The following QRFPR variants were observed in gnomAD, a reference collection of about 807,000 sequenced individuals.
QRFPR encodes the protein pyroglutamylated RF-amide peptide receptor.
QRFPR carries 37 observed loss-of-function variants against 31.3 expected under a neutral mutation model. The ratio of observed to expected loss-of-function variants is 1.18; its 90% CI spans 0.91 to 1.56. The LOEUF (loss-of-function observed/expected upper bound fraction) is 1.56. Ranked by LOEUF, QRFPR falls within the 40% of genes most tolerant of loss-of-function variation. QRFPR has a pLI of 0.00. For synonymous variants in QRFPR, 197 were observed against 192.0 expected (o/e 1.03, Z -0.22); for missense variants, 542 against 532.5 (o/e 1.02, Z -0.18).
chr4:121,380,201 GA>G (rs1726453323), intron 1 of QRFPR, 106 bp downstream of exon 1: 1 of 211,174 alleles, frequency 4.7e-6, no homozygotes, highest in Non-Finnish European at 9.0e-6. Flanking sequence ...GAGAGAGAGA[GA>G]GAGAGAGAGA....
At chr4:121,354,864 C>T (rs1253902202) in intron 1 of QRFPR, among the ~76,000 whole-genome samples, 5 of 151,850 alleles carry the variant, frequency 3.3e-5, no homozygotes, top group African/African-American at 1.2e-4. Flanking sequence ...ATATGATGTA[C>T]CACACTGATT....
intron 1 of QRFPR, among the ~76,000 whole-genome samples, chr4:121,347,435 A>C (rs933972129): frequency 6.6e-6 from 1 of 152,006 alleles, no homozygotes; most frequent in African/African-American, 2.4e-5. Flanking sequence ...CTATTGGTTC[A>C]CTTTTGTCAT....
In QRFPR at chr4:121,379,160, G is replaced by A. The variant is rs531881696; in HGVS notation, c.340+1148C>T. The stretch of plus-strand genomic sequence containing the variant: ...TTCAAGTCAATGCTCTGTACTCAAT[G>A]TTTAATGCTTTTTTGAAAATATTTA... On this transcript the variant is annotated intron_variant, in intron 1 of 5. Transcript: ENST00000394427. 9.8e-5 allele frequency among the ~76,000 whole-genome samples: 15 copies of A among 152,296 alleles called. No individual in the cohort carries two copies. In the South Asian group the frequency reaches 3.1e-3, roughly 32 times the overall value.
In QRFPR at chr4:121,328,913, G is replaced by A. The variant is rs1243691671; in HGVS notation, c.*401C>T. On this transcript the variant is annotated 3_prime_UTR_variant, in exon 6 of 6. Transcript: ENST00000394427. ...TGGGACTACAGGTGCCCGCCACCAC[G>A]CCCGGCTAATTTTTGTATTTTTAGC... Among the ~76,000 whole-genome samples the A allele has an allele frequency of 1.3e-5, 2 of 152,058 alleles. No homozygotes were observed. Among genetic ancestry groups the A allele is most frequent in the Non-Finnish European group, 2.9e-5 (2 of 68,022 alleles).
In QRFPR at chr4:121,332,874, C is replaced by T. The variant is rs1251671039; in HGVS notation, c.744G>A (p.Gly248=). 4.3e-6 allele frequency: 7 copies of T among 1,614,068 alleles called. No homozygotes were observed. In the East Asian group the frequency reaches 1.3e-4, roughly 31 times the overall value. Residue 248 remains glycine (G), a synonymous_variant, in exon 4 of 6, where the codon GGG becomes GGA. Transcript: ENST00000394427. ...GYELWIKKRV[G]DGSVLRTIHG... ...GAATAGTTCGAAGCACTGAACCATC[C>T]CCAACTCTTTTCTTTATCCAAAGTT...
At chr4:121,361,459 G>T (rs1047794832) in intron 1 of QRFPR, among the ~76,000 whole-genome samples, 4 of 150,056 alleles carry the variant, frequency 2.7e-5, no homozygotes, top group Non-Finnish European at 4.4e-5. Context: ...AGTGCTCAGT[G>T]GTGGCCTACC....
intron 1 of QRFPR, among the ~76,000 whole-genome samples, chr4:121,376,163 A>G (rs992738103): frequency 6.6e-6 from 1 of 152,200 alleles, no homozygotes; most frequent in Non-Finnish European, 1.5e-5. Context: ...CTCCACCCTC[A>G]TATGAGTAAC....
At chr4:121,357,230 G>A (rs1421588255) in intron 1 of QRFPR, among the ~76,000 whole-genome samples, 1 of 152,038 alleles carries the variant, frequency 6.6e-6, no homozygotes. Context: ...TCTAGAGGTT[G>A]TCTGCATTCC....
chr4:121,340,487 C>A lies in QRFPR; in HGVS notation c.464G>T (p.Trp155Leu). The A allele has an allele frequency of 6.2e-7, 1 of 1,614,050 alleles. No individual in the cohort carries two copies. The highest frequency in any genetic ancestry group is 8.5e-7 in the Non-Finnish European group (1 of 1,179,964). The change falls in exon 2 of 6, where the codon TGG becomes TTG. Residue 155 changes from tryptophan to leucine, a missense_variant. Physicochemically the swap from Trp to Leu is moderately conservative, Grantham distance 61. Coordinates refer to ENST00000394427, the MANE Select transcript of QRFPR (RefSeq NM_198179.3). ...GAAAGCCCTTCGGTTGGTGTATTGC[C>A]ACTTCATTTTAAAAGGATGCACAAG... ...QGLVHPFKMK[W>L]QYTNRRAFTM...
rs70950816 is a variant in QRFPR, at chr4:121,380,186, G to GGAGAGAGAGAGAGAGAGAGA, written c.340+102_340+121dup. 1.7e-4 allele frequency: 41 copies of GGAGAGAGAGAGAGAGAGAGA among 236,450 alleles called. 1 individual carries two copies. Among genetic ancestry groups the GGAGAGAGAGAGAGAGAGAGA allele is most frequent in the Admixed American group, 9.9e-4 (9 of 9,066 alleles). The allele number at this position is 236,450 out of a possible 1,614,324, so 14.6% of individuals were successfully genotyped here. Reference sequence around the variant, plus strand: ...GAGAGAGAGACAGACAGACGAGAGAGGAGAGAGAGAGAGAGAGAGAGAGAG... The same window carrying GGAGAGAGAGAGAGAGAGAGA: ...GAGAGAGAGACAGACAGACGAGAGAGGAGAGAGAGAGAGAGAGAGAGAGAGAGAGAGAGAGAGAGAGAGAG... On this transcript the variant is annotated intron_variant, in intron 1 of 5. Transcript: ENST00000394427.
intron 1 of QRFPR, among the ~76,000 whole-genome samples, chr4:121,353,886 T>A (rs2110475939): frequency 6.6e-6 from 1 of 152,208 alleles, no homozygotes; most frequent in Admixed American, 6.5e-5. Flanking sequence ...GATTGATGTA[T>A]AATGGCAAGA....
intron 1 of QRFPR, among the ~76,000 whole-genome samples, chr4:121,350,054 A>T (rs1166886855): frequency 2.0e-5 from 3 of 152,220 alleles, no homozygotes; most frequent in Non-Finnish European, 2.9e-5. Flanking sequence ...GTTATTGTCA[A>T]GGCCTATGGA....
At chr4:121,341,232 T>C (rs1021757494) in intron 1 of QRFPR, among the ~76,000 whole-genome samples, 1 of 152,236 alleles carries the variant, frequency 6.6e-6, no homozygotes, top group Non-Finnish European at 1.5e-5. Flanking sequence ...TTGTCAATCT[T>C]TTAAAATGTT....
intron 1 of QRFPR, 109 bp from the exon 2 acceptor site, chr4:121,340,719 G>A (rs13104309): frequency 0.31 from 314,821 of 1,029,506 alleles, 50,817 homozygotes; most frequent in Non-Finnish European, 0.34. Flanking sequence ...CTGCCAAAAA[G>A]TTTGATAATT....
intron 3 of QRFPR, chr4:121,334,624 C>CAAAAA (rs1482785699): frequency 2.6e-6 from 1 of 388,068 alleles, no homozygotes; most frequent in Non-Finnish European, 5.2e-6. Context: ...TAAAGCCTGG[C>CAAAAA]AGAGAAAAAA....
intron 1 of QRFPR, among the ~76,000 whole-genome samples, chr4:121,347,325 T>G (rs1164096262): frequency 6.6e-6 from 1 of 152,142 alleles, no homozygotes; most frequent in Non-Finnish European, 1.5e-5. Context: ...ATTCTACTGC[T>G]GGGGGCACTA....
At chr4:121,364,043 T>A (rs1560742797) in intron 1 of QRFPR, among the ~76,000 whole-genome samples, 1 of 149,996 alleles carries the variant, frequency 6.7e-6, no homozygotes, top group African/African-American at 2.5e-5. Context: ...CAAGTCATAA[T>A]CAAGTCAAGG....
At chr4:121,379,116 T>G (rs1380945595) in intron 1 of QRFPR, among the ~76,000 whole-genome samples, 1 of 152,210 alleles carries the variant, frequency 6.6e-6, no homozygotes, top group Admixed American at 6.5e-5. Context: ...AGGTCTTACT[T>G]TCCACATTGT....
intron 1 of QRFPR, among the ~76,000 whole-genome samples, chr4:121,349,338 C>T (rs4240259): frequency 0.16 from 23,735 of 151,874 alleles, 2,751 homozygotes; most frequent in East Asian, 0.54. Flanking sequence ...TCCTGTTGAT[C>T]AGATATTGGA....
Sources: allele counts gnomAD v4.1 joint callset (sites outside exome capture counted in the v4.1 genomes callset), GRCh38; gene constraint gnomAD v4.1.1; transcripts MANE v1.5; gene names NCBI Gene and HGNC (gene_info 2026-07-23, HGNC 2026-07-21).